SSUH2: variants seen among roughly 807,000 people sequenced by gnomAD.
The protein encoded by SSUH2 is ssu-2 homolog.
A neutral mutation model predicts 55.3 loss-of-function variants in SSUH2; 47 were observed. The ratio of observed to expected loss-of-function variants is 0.85; its 90% CI spans 0.67 to 1.08. The LOEUF (loss-of-function observed/expected upper bound fraction) is 1.08, where lower values mean the gene tolerates loss of function less well. SSUH2 is among the 50% of genes least tolerant of loss of function. The pLI is 0.00. For missense variants in SSUH2, 535 were observed against 490.7 expected (o/e 1.09, Z -0.85); for synonymous variants, 212 against 191.5 (o/e 1.11, Z -0.89).
intron 1 of SSUH2, among the ~76,000 whole-genome samples, chr3:8,637,289 T>A (rs765131597): frequency 6.6e-6 from 1 of 152,184 alleles, no homozygotes; most frequent in Non-Finnish European, 1.5e-5. Context: ...GGCAAAACTA[T>A]GAAAAAATCA....
In SSUH2 at chr3:8,630,810, C is replaced by A. The variant is rs757266021; in HGVS notation, c.520G>T (p.Val174Phe). The change falls in exon 6 of 12, where the codon GTC becomes TTC. Residue 174 changes from valine to phenylalanine, a missense_variant. Val to Phe is a conservative substitution (Grantham distance 50). Coordinates refer to ENST00000544814, the MANE Select transcript of SSUH2 (RefSeq NM_001256748.3). ...AATCGCGTTAATCGTATTACCTTGACCAGTGACGAGTGAGGGACCTGGAAC... is the reference window on the plus strand; with the variant it reads ...AATCGCGTTAATCGTATTACCTTGAACAGTGACGAGTGAGGGACCTGGAAC... ...RKFQVPHSSL[V>F]KECHKCHGRG... 19 of 1,462,280 alleles carry A rather than the reference C, an allele frequency of 1.3e-5. No individual in the cohort carries two copies. In the Admixed American group the frequency reaches 4.8e-4, roughly 37 times the overall value. The allele number at this position is 1,462,280 out of a possible 1,614,324, so 90.6% of individuals were successfully genotyped here. A position where few individuals can be genotyped will look rare whatever the true frequency, so the allele number is the denominator to read the frequency against.
chr3:8,639,270 G>A (rs913908605), intron 1 of SSUH2, among the ~76,000 whole-genome samples: 16 of 152,136 alleles, frequency 1.1e-4, no homozygotes, highest in South Asian at 8.3e-4. Flanking sequence ...GGACCACCCC[G>A]CCCTAACACA....
chr3:8,671,112 G>T (rs1704515260), exon 5 of SSUH2: 1 of 259,592 alleles, frequency 3.9e-6, no homozygotes, highest in South Asian at 3.8e-5. Context: ...CGAATTTGAT[G>T]GCAGGGTCTA....
intron 3 of SSUH2, chr3:8,634,139 G>A (rs745662419): frequency 6.2e-5 from 42 of 679,820 alleles, no homozygotes; most frequent in African/African-American, 1.8e-4. Context: ...AGAGGATGTC[G>A]CACAGTTAAA....
At chr3:8,668,816 G>C (rs536123242) in intron 5 of SSUH2, among the ~76,000 whole-genome samples, 2 of 151,474 alleles carry the variant, frequency 1.3e-5, no homozygotes, top group Admixed American at 6.6e-5. Flanking sequence ...CTTTGTGATC[G>C]AAAAAAAAGA....
chr3:8,623,693 G>T, intron 10 of SSUH2, 37 bp from the exon 11 acceptor site: 1 of 1,129,382 alleles, frequency 8.9e-7, no homozygotes, highest in Non-Finnish European at 1.3e-6. Context: ...CCACCTGGCT[G>T]CCGCACCTGG....
At chr3:8,648,206 G>C (rs2125303294), upstream of SSUH2, among the ~76,000 whole-genome samples, 1 of 152,324 alleles carries the variant, frequency 6.6e-6, no homozygotes, top group African/African-American at 2.4e-5. Context: ...AGGGCTTAGA[G>C]AGGTTGAGTG....
At chr3:8,664,778 A>G (rs1346017698) in intron 5 of SSUH2, among the ~76,000 whole-genome samples, 1 of 152,170 alleles carries the variant, frequency 6.6e-6, no homozygotes, top group Non-Finnish European at 1.5e-5. Flanking sequence ...AGGAATCACA[A>G]TCCTTGCTCC....
At chr3:8,659,222 A>T (rs369344432) in intron 6 of SSUH2, among the ~76,000 whole-genome samples, 198 of 152,284 alleles carry the variant, frequency 1.3e-3, no homozygotes, top group South Asian at 2.3e-3. Context: ...AAAAGTAACA[A>T]ACCCCACTGG....
At position 8,635,342 on chromosome 3, in the gene SSUH2, C is replaced by T. The variant is rs1252931036; in HGVS notation, c.167G>A (p.Arg56Lys). ...IFFPPLEAPG[R>K]PQEQRSWPSF... ...GGGCCAGGACCTTTGCTCCTGGGGC[C>T]TCCCTGGGGCCTCCAAAGGTGGGAA... The change falls in exon 3 of 12, where the codon AGG becomes AAG. Residue 56 changes from arginine (R) to lysine (K), a missense_variant. Physicochemically the swap from Arg to Lys is conservative, Grantham distance 26 (BLOSUM62 2). Transcript: ENST00000544814. 2 of 1,535,998 alleles carry T rather than the reference C, an allele frequency of 1.3e-6. No individual in the cohort carries two copies. Among genetic ancestry groups the T allele is most frequent in the Non-Finnish European group, 1.7e-6 (2 of 1,146,818 alleles).
intron 1 of SSUH2, among the ~76,000 whole-genome samples, chr3:8,640,482 C>T (rs1265364524): frequency 2.0e-5 from 3 of 152,126 alleles, no homozygotes; most frequent in Non-Finnish European, 4.4e-5. Context: ...ACATTAGATG[C>T]CCTTACCCAC....
At chr3:8,620,120 C>G (rs1001264621) in intron 11 of SSUH2, 106 bp from the exon 12 acceptor site, 1 of 1,274,762 alleles carries the variant, frequency 7.8e-7, no homozygotes, top group Non-Finnish European at 1.1e-6. Context: ...AAAGGTCCTG[C>G]TCTGGAGTTG....
intron 4 of SSUH2, among the ~76,000 whole-genome samples, chr3:8,632,445 G>A (rs930663719): frequency 1.3e-5 from 2 of 152,206 alleles, no homozygotes; most frequent in Non-Finnish European, 2.9e-5. Context: ...CTATGGCTTT[G>A]AGATTTCCCT....
chr3:8,656,701 T>G (rs886269463), intron 7 of SSUH2, among the ~76,000 whole-genome samples: 1 of 152,166 alleles, frequency 6.6e-6, no homozygotes, highest in Non-Finnish European at 1.5e-5. Flanking sequence ...GTTATTAGCC[T>G]CAGTTTATAA....
At position 8,629,684 on chromosome 3, in the gene SSUH2, C is replaced by T. The variant is rs532787180; in HGVS notation, c.568G>A (p.Gly190Ser). 117 of 1,230,706 alleles carry T rather than the reference C, an allele frequency of 9.5e-5. No homozygotes were observed. Among genetic ancestry groups the T allele is most frequent in the South Asian group, 2.3e-4 (17 of 74,636 alleles). 76.2% of individuals were successfully genotyped at this position (1,230,706 alleles called of 1,614,324 possible). A position where few individuals can be genotyped will look rare whatever the true frequency, so the allele number is the denominator to read the frequency against. ...CHGRGRYKCSGCHGAGTVRCP... is the reference protein window; with the variant it reads ...CHGRGRYKCSSCHGAGTVRCP... ...CTCACCGTGCCCGCCCCGTGGCAGCCGCTGCACTTGTACCGCCCACGCCCA... is the reference window on the plus strand; with the variant it reads ...CTCACCGTGCCCGCCCCGTGGCAGCTGCTGCACTTGTACCGCCCACGCCCA... The change falls in exon 7 of 12, where the codon GGC becomes AGC. Residue 190 changes from glycine (G) to serine (S), a missense_variant. Coordinates refer to ENST00000544814, the MANE Select transcript of SSUH2 (RefSeq NM_001256748.3).
chr3:8,631,931 G>A, intron 5 of SSUH2, 118 bp downstream of exon 5: 4 of 775,072 alleles, frequency 5.2e-6, no homozygotes, highest in Non-Finnish European at 8.9e-6. Flanking sequence ...AGGAAGCCAA[G>A]GCTCCAAGCA....
intron 2 of SSUH2, among the ~76,000 whole-genome samples, chr3:8,677,601 G>C (rs567078202): frequency 8.6e-5 from 13 of 151,030 alleles, no homozygotes; most frequent in Non-Finnish European, 1.3e-4. Context: ...ATCAGAGAGA[G>C]AAAAGATGGC....
In SSUH2 at chr3:8,627,697, C is replaced by A. The variant is rs776051085; in HGVS notation, c.674+1G>T. ...CCGCGGTGCTGGGGAGATGCCCCTA[C>A]CTTCGCCTGCCGGACCCCGCGCACA... On this transcript the variant is annotated splice_donor_variant, in intron 8 of 11. Coordinates refer to ENST00000544814, the MANE Select transcript of SSUH2 (RefSeq NM_001256748.3). LOFTEE classifies it high-confidence loss of function. The A allele has an allele frequency of 2.5e-5, 40 of 1,582,762 alleles. No individual in the cohort carries two copies. The highest frequency in any genetic ancestry group is 3.4e-5 in the Non-Finnish European group (40 of 1,163,948).
chr3:8,620,050 T>C, intron 11 of SSUH2, 36 bp from the exon 12 acceptor site: 1 of 1,608,996 alleles, frequency 6.2e-7, no homozygotes, highest in East Asian at 2.2e-5. Flanking sequence ...ATGTCAGTGT[T>C]CTGTTCAAGT....
Sources: allele counts gnomAD v4.1 joint callset (sites outside exome capture counted in the v4.1 genomes callset), GRCh38; gene constraint gnomAD v4.1.1; transcripts MANE v1.5; gene names NCBI Gene and HGNC (gene_info 2026-07-23, HGNC 2026-07-21).